CS: variants seen among roughly 807,000 people sequenced by gnomAD.
CS encodes citrate synthase, also known as citrate synthase, mitochondrial.
CS carries 13 observed loss-of-function variants against 61.4 expected under a neutral mutation model. The observed-to-expected ratio is 0.21, with a 90% CI of 0.14 to 0.34. CS has a LOEUF of 0.34. Ranked by LOEUF, CS falls within the 10% of genes least tolerant of loss-of-function variation. The pLI is 1.00. For synonymous variants in CS, 159 were observed against 215.2 expected (o/e 0.74, Z 2.29); for missense variants, 278 against 573.4 (o/e 0.48, Z 5.26).
intron 1 of CS, among the ~76,000 whole-genome samples, chr12:56,295,251 G>A (rs987980572): frequency 2.0e-5 from 3 of 151,976 alleles, no homozygotes; most frequent in Non-Finnish European, 4.4e-5. Context: ...GGCCGGGCAC[G>A]GTGGCTCATG....
At chr12:56,298,862 A>T (rs535269138) in intron 1 of CS, among the ~76,000 whole-genome samples, 1 of 152,186 alleles carries the variant, frequency 6.6e-6, no homozygotes, top group South Asian at 2.1e-4. Flanking sequence ...CAACATAAGG[A>T]GACGCTGCCT....
At chr12:56,275,569 TAAAAAA>T (rs769377638) in intron 7 of CS, 6 of 107,056 alleles carry the variant, frequency 5.6e-5, no homozygotes, top group South Asian at 1.6e-4. Context: ...AGACTCCATC[TAAAAAA>T]AAAAAAAAAA....
chr12:56,297,563 C>T (rs1322323980), intron 1 of CS, among the ~76,000 whole-genome samples: 2 of 152,032 alleles, frequency 1.3e-5, no homozygotes, highest in African/African-American at 2.4e-5. Flanking sequence ...ATTAGCTGGG[C>T]GTGGTGGTGC....
At chr12:56,296,586 A>T (rs754439406) in intron 1 of CS, among the ~76,000 whole-genome samples, 26 of 152,208 alleles carry the variant, frequency 1.7e-4, no homozygotes, top group Non-Finnish European at 3.2e-4. Flanking sequence ...TCTGTTGCAT[A>T]AAGTATTGAC....
In CS at chr12:56,284,896, C is replaced by A. The variant is rs1302161607; in HGVS notation, c.201+1020G>T. Among the ~76,000 whole-genome samples the A allele has an allele frequency of 1.1e-3, 70 of 63,388 alleles. 1 individual carries two copies. Among genetic ancestry groups the A allele is most frequent in the Non-Finnish European group, 3.0e-4 (8 of 26,374 alleles). The allele number at this position is 63,388 out of a possible 152,430, so 41.6% of individuals were successfully genotyped here. A position where few individuals can be genotyped will look rare whatever the true frequency, so the allele number is the denominator to read the frequency against. Reference sequence around the variant, plus strand: ...CCTGGTGACTCAGTGAGACTCCGTCCCAAAAAAAAAAAAAAAAACAGGGTT... The same window carrying A: ...CCTGGTGACTCAGTGAGACTCCGTCACAAAAAAAAAAAAAAAAACAGGGTT... On this transcript the variant is annotated intron_variant, in intron 3 of 10. Transcript: ENST00000351328.
rs1190260476 is a variant in CS, at chr12:56,280,416, C to CAAAAAAAAAAA, written c.588+2003_588+2004insTTTTTTTTTTT. 1.4e-4 allele frequency among the ~76,000 whole-genome samples: 13 copies of CAAAAAAAAAAA among 89,802 alleles called. 4 individuals carry two copies. Among genetic ancestry groups the CAAAAAAAAAAA allele is most frequent in the Admixed American group, 3.3e-4 (2 of 6,094 alleles). 58.9% of individuals were successfully genotyped at this position (89,802 alleles called of 152,430 possible). A position where few individuals can be genotyped will look rare whatever the true frequency, so the allele number is the denominator to read the frequency against. ...GGTGACAGTGCAAGACACCGTCTCC[C>CAAAAAAAAAAA]AAAAAAAACAAAAAAAAAAAACAAA... is the stretch of plus-strand genomic sequence containing the variant. On this transcript the variant is annotated intron_variant, in intron 6 of 10. Transcript: ENST00000351328.
chr12:56,285,317 C>A, intron 3 of CS: 1 of 415,784 alleles, frequency 2.4e-6, no homozygotes, highest in South Asian at 1.8e-5. Context: ...GGGTCTCCCT[C>A]TGTTGCCCAG....
intron 6 of CS, among the ~76,000 whole-genome samples, chr12:56,280,409 C>G (rs1473648279): frequency 1.6e-5 from 1 of 63,890 alleles, no homozygotes; most frequent in African/African-American, 4.1e-5. Flanking sequence ...TGCAAGACAC[C>G]GTCTCCCAAA....
chr12:56,298,219 A>C (rs573110680), intron 1 of CS, among the ~76,000 whole-genome samples: 1 of 152,002 alleles, frequency 6.6e-6, no homozygotes, highest in East Asian at 1.9e-4. Flanking sequence ...GCTGGTCTCA[A>C]ATTCCCGACC....
chr12:56,282,216 A>C (rs1362393667), intron 6 of CS: 7 of 436,632 alleles, frequency 1.6e-5, no homozygotes, highest in African/African-American at 1.2e-4. Context: ...CCAAACAAAC[A>C]GTCCTGGTGA....
chr12:56,299,561 C>T (rs1301744519), intron 1 of CS, among the ~76,000 whole-genome samples: 1 of 152,160 alleles, frequency 6.6e-6, no homozygotes, highest in Non-Finnish European at 1.5e-5. Flanking sequence ...CCACCCCACC[C>T]AAGCTCCTCC....
chr12:56,275,088 C>G lies in CS; in HGVS notation c.832G>C (p.Val278Leu). 1 of 1,614,214 alleles carries G rather than the reference C, an allele frequency of 6.2e-7. No homozygotes were observed. The highest frequency in any genetic ancestry group is 8.5e-7 in the Non-Finnish European group (1 of 1,180,044). Residue 278 changes from valine to leucine, a missense_variant, in exon 8 of 11, where the codon GTG becomes CTG. This residue lies in a region of CS where 223 missense variants were observed against 503.5 expected (regional missense o/e 0.44). Transcript: ENST00000351328. ...TAAGGGTCGGAAAGGGCACTGCCCA[C>G]CAAATGGCTGGTATGGGCACTTACA... ...GNVSAHTSHL[V>L]GSALSDPYLS...
At chr12:56,288,222 G>A (rs2135920694) in intron 1 of CS, among the ~76,000 whole-genome samples, 1 of 152,240 alleles carries the variant, frequency 6.6e-6, no homozygotes. Flanking sequence ...CTGGAGCAAG[G>A]CTGCACCTGT....
intron 1 of CS, among the ~76,000 whole-genome samples, chr12:56,290,468 C>T (rs1873086128): frequency 6.6e-6 from 1 of 152,198 alleles, no homozygotes; most frequent in African/African-American, 2.4e-5. Context: ...CCTCGGCCTC[C>T]CAAAGTGCTG....
intron 1 of CS, among the ~76,000 whole-genome samples, chr12:56,290,712 TAGGAA>T (rs36207871): frequency 0.8 from 121,607 of 151,692 alleles, 52,077 homozygotes; most frequent in South Asian, 0.98. Flanking sequence ...AATTTGGAGT[TAGGAA>T]AGGAAGTCTG....
chr12:56,278,718 C>CA (rs1872692618), intron 6 of CS, among the ~76,000 whole-genome samples: 1 of 148,370 alleles, frequency 6.7e-6, no homozygotes, highest in Non-Finnish European at 1.5e-5. Context: ...GCCTGAGCGA[C>CA]AGAGACTCTG....
chr12:56,284,346 A>C (rs1281223183), intron 3 of CS, among the ~76,000 whole-genome samples: 2 of 151,096 alleles, frequency 1.3e-5, no homozygotes, highest in African/African-American at 4.9e-5. Context: ...AAGAAAAAAA[A>C]AAACAAACTT....
At chr12:56,284,911 A>C (rs1872894632) in intron 3 of CS, among the ~76,000 whole-genome samples, 1 of 151,812 alleles carries the variant, frequency 6.6e-6, no homozygotes, top group Non-Finnish European at 1.5e-5. Context: ...AAAAAAAAAA[A>C]AAACAGGGTT....
chr12:56,288,707 G>A (rs1374456796), intron 1 of CS, among the ~76,000 whole-genome samples: 2 of 151,766 alleles, frequency 1.3e-5, no homozygotes, highest in South Asian at 4.2e-4. Context: ...GGAGTATAGT[G>A]GCATGTTAAT....
Sources: gnomAD v4.1 joint callset for allele counts (sites outside exome capture counted in the v4.1 genomes callset) on GRCh38, gnomAD v4.1.1 for gene constraint, gnomAD v4.1.1 regional missense constraint, MANE v1.5 for transcripts, NCBI Gene and HGNC (gene_info 2026-07-23, HGNC 2026-07-21) for gene names.